Variants in AKT3 observed in about 807,000 individuals in gnomAD.
AKT3 encodes RAC-gamma serine/threonine-protein kinase.
AKT3 carries 15 observed loss-of-function variants against 65.3 expected under a neutral mutation model. The observed-to-expected ratio is 0.23, with a 90% CI of 0.15 to 0.35. AKT3 has a LOEUF of 0.35. Ranked by LOEUF, AKT3 falls within the 10% of genes least tolerant of loss-of-function variation. The pLI, the probability that AKT3 is intolerant of heterozygous loss-of-function variation, is 1.00. For synonymous variants in AKT3, 206 were observed against 183.8 expected (o/e 1.12, Z -0.98); for missense variants, 243 against 576.5 (o/e 0.42, Z 5.92).
At chr1:243,575,856 A>G (rs901965321) in intron 8 of AKT3, among the ~76,000 whole-genome samples, 4 of 152,158 alleles carry the variant, frequency 2.6e-5, no homozygotes, top group African/African-American at 9.7e-5. Flanking sequence ...TTTAGAAAGC[A>G]TTAATACTAA....
chr1:243,577,213 C>A (rs1246494420), intron 8 of AKT3, among the ~76,000 whole-genome samples: 2 of 152,188 alleles, frequency 1.3e-5, no homozygotes, highest in Non-Finnish European at 2.9e-5. Context: ...GTGGCATGAT[C>A]TTGGCTCACA....
chr1:243,768,860 T>C (rs1213711784), intron 2 of AKT3, among the ~76,000 whole-genome samples: 1 of 150,626 alleles, frequency 6.6e-6, no homozygotes, highest in Admixed American at 6.6e-5. Context: ...AGAGCGATAG[T>C]TCACATACCA....
chr1:243,507,257 T>C (rs983582780), intron 13 of AKT3, among the ~76,000 whole-genome samples: 1 of 152,194 alleles, frequency 6.6e-6, no homozygotes, highest in Non-Finnish European at 1.5e-5. Flanking sequence ...CAGGGGCAGG[T>C]GCTAGACACC....
In AKT3 at chr1:243,503,454, C is replaced by CA. The variant is rs1669465641; in HGVS notation, c.*1794dup. The stretch of plus-strand genomic sequence containing the variant: ...CTGTAGTCTTCCGTTTGGGAGCTGT[C>CA]AGAGTTTAACTAAAATACATTTCCA... On this transcript the variant is annotated 3_prime_UTR_variant, in exon 14 of 14. Coordinates refer to ENST00000673466, the MANE Select transcript of AKT3 (RefSeq NM_005465.7). The CA allele has an allele frequency of 4.3e-6, 1 of 233,438 alleles. No individual in the cohort carries two copies. Among genetic ancestry groups the CA allele is most frequent in the African/African-American group, 2.2e-5 (1 of 45,330 alleles). The allele number at this position is 233,438 out of a possible 1,614,324, so 14.5% of individuals were successfully genotyped here. A position where few individuals can be genotyped will look rare whatever the true frequency, so the allele number is the denominator to read the frequency against.
chr1:243,823,705 G>T (rs1693990753), intron 2 of AKT3, among the ~76,000 whole-genome samples: 1 of 152,074 alleles, frequency 6.6e-6, no homozygotes, highest in South Asian at 2.1e-4. Flanking sequence ...TAGGAATAGA[G>T]CTAACAAGGG....
chr1:243,803,959 C>T (rs907492195), intron 2 of AKT3, among the ~76,000 whole-genome samples: 2 of 152,128 alleles, frequency 1.3e-5, no homozygotes, highest in African/African-American at 4.8e-5. Context: ...ATGACGTTGC[C>T]CTGAGGCTAT....
intron 12 of AKT3, among the ~76,000 whole-genome samples, chr1:243,536,131 T>G (rs1401307013): frequency 1.3e-5 from 2 of 152,206 alleles, no homozygotes; most frequent in Non-Finnish European, 2.9e-5. Flanking sequence ...TTAGCCCTTT[T>G]TCAGAAGTAA....
downstream of AKT3, among the ~76,000 whole-genome samples, chr1:243,496,616 G>GC (rs1267573994): frequency 7.9e-5 from 12 of 152,202 alleles, no homozygotes; most frequent in African/African-American, 1.4e-4. Flanking sequence ...GAAGTGCGAA[G>GC]CCCGGGCAGG....
chr1:243,694,860 A>G (rs549042465), intron 3 of AKT3, among the ~76,000 whole-genome samples: 3 of 152,066 alleles, frequency 2.0e-5, no homozygotes, highest in Admixed American at 2.0e-4. Flanking sequence ...TTGTCTCGTT[A>G]AAGATTTTAG....
At chr1:243,554,894 AT>A (rs965475161) in intron 10 of AKT3, among the ~76,000 whole-genome samples, 5 of 151,814 alleles carry the variant, frequency 3.3e-5, no homozygotes, top group Non-Finnish European at 5.9e-5. Context: ...GCAATCCTTT[AT>A]TTTTTTTAAA....
chr1:243,833,523 G>A (rs979675861), intron 2 of AKT3, among the ~76,000 whole-genome samples: 10 of 151,716 alleles, frequency 6.6e-5, no homozygotes, highest in African/African-American at 1.9e-4. Flanking sequence ...AATTACCTCC[G>A]CCTGGTCTCT....
At chr1:243,719,749 T>G (rs2148109151) in intron 2 of AKT3, among the ~76,000 whole-genome samples, 1 of 152,250 alleles carries the variant, frequency 6.6e-6, no homozygotes, top group Middle Eastern at 3.4e-3. Context: ...GAAAGAACAC[T>G]GAACACAGAT....
chr1:243,691,177 G>A (rs1684666806), intron 3 of AKT3, among the ~76,000 whole-genome samples: 1 of 152,196 alleles, frequency 6.6e-6, no homozygotes, highest in South Asian at 2.1e-4. Flanking sequence ...TCCAATCGAA[G>A]GGAACAGCAT....
chr1:243,597,813 G>A (rs1385750499), intron 8 of AKT3, among the ~76,000 whole-genome samples: 1 of 152,212 alleles, frequency 6.6e-6, no homozygotes, highest in Non-Finnish European at 1.5e-5. Context: ...CTTAAATGCA[G>A]AGACCATCTG....
In AKT3 at chr1:243,841,308, T is replaced by G. The variant is rs746055215; in HGVS notation, c.46+1817A>C. 2.0e-5 allele frequency among the ~76,000 whole-genome samples: 3 copies of G among 152,262 alleles called. No homozygotes were observed. The East Asian group carries it at 5.8e-4, about 29-fold the overall frequency. ...ATGTGGAGATAGCAACAGCTTACAT[T>G]GTGTTAGAACTGTCAAAATAAATCC... On this transcript the variant is annotated intron_variant, in intron 2 of 13. Coordinates refer to ENST00000673466, the MANE Select transcript of AKT3 (RefSeq NM_005465.7).
chr1:243,795,961 T>C (rs1691977947), intron 2 of AKT3, among the ~76,000 whole-genome samples: 1 of 152,112 alleles, frequency 6.6e-6, no homozygotes, highest in African/African-American at 2.4e-5. Context: ...GTACACAGAT[T>C]TTCCGACCAG....
Position 243,770,081 on chromosome 1 carries a change from C to T in AKT3, c.46+73044G>A, listed in dbSNP as rs555041380. ...TGAAGACTATTCTTCCACACTGAAT[C>T]GCCTTGCCATCCTTGTTGAATACCA... On this transcript the variant is annotated intron_variant, in intron 2 of 13. Coordinates refer to ENST00000673466, the MANE Select transcript of AKT3 (RefSeq NM_005465.7). Among the ~76,000 whole-genome samples the T allele has an allele frequency of 4.0e-4, 61 of 152,252 alleles. No individual in the cohort carries two copies. The South Asian group carries it at 4.6e-3, about 11-fold the overall frequency.
At chr1:243,680,126 C>T (rs915704965) in intron 3 of AKT3, among the ~76,000 whole-genome samples, 1 of 151,972 alleles carries the variant, frequency 6.6e-6, no homozygotes, top group African/African-American at 2.4e-5. Context: ...AAAAGCAGTG[C>T]CATTTTAAAA....
chr1:243,784,019 G>C (rs959144327), intron 2 of AKT3, among the ~76,000 whole-genome samples: 5 of 152,152 alleles, frequency 3.3e-5, no homozygotes, highest in East Asian at 1.9e-4. Context: ...TTAATACACT[G>C]AACTTATATT....
Sources: gnomAD v4.1 joint callset for allele counts (sites outside exome capture counted in the v4.1 genomes callset) on GRCh38, gnomAD v4.1.1 for gene constraint, MANE v1.5 for transcripts, NCBI Gene and HGNC (gene_info 2026-07-23, HGNC 2026-07-21) for gene names.